The following ABCA9 variants were observed in gnomAD, a reference collection of about 807,000 sequenced individuals.
ABCA9 encodes ATP binding cassette subfamily A member 9, also known as ATP-binding cassette sub-family A member 9.
ABCA9 carries 183 observed loss-of-function variants against 205.3 expected under a neutral mutation model. The observed-to-expected ratio is 0.89, with a 90% CI of 0.79 to 1.01. The LOEUF is 1.01. ABCA9 is among the 50% of genes least tolerant of loss of function. The probability of loss-of-function intolerance (pLI) is 0.00; values close to 1 mark genes in which losing one functional copy is unlikely to be tolerated. For synonymous variants in ABCA9, 651 were observed against 683.3 expected (o/e 0.95, Z 0.74); for missense variants, 1,805 against 1,912.4 (o/e 0.94, Z 1.05).
intron 17 of ABCA9, among the ~76,000 whole-genome samples, chr17:69,022,668 CATAAA>C (rs1340358280): frequency 6.6e-6 from 1 of 152,052 alleles, no homozygotes; most frequent in Admixed American, 6.6e-5. Context: ...GCGCCCAGCC[CATAAA>C]TATGTAAAGT....
At chr17:69,021,980 A>G in intron 17 of ABCA9, 119 bp from the exon 18 acceptor site, 1 of 751,076 alleles carries the variant, frequency 1.3e-6, no homozygotes. Flanking sequence ...AAATTGTGAT[A>G]CAGATGATCT....
the ABCA9 span, among the ~76,000 whole-genome samples, chr17:69,073,744 A>T: frequency 4.8e-4 from 73 of 152,322 alleles, 1 homozygote; most frequent in Middle Eastern, 3.4e-3. Flanking sequence ...AGAAATAACT[A>T]AGATCAGAGT....
chr17:69,020,473 C>T lies in ABCA9; in HGVS notation c.2515G>A (p.Val839Met), dbSNP rs61740908. 2.0e-5 allele frequency: 32 copies of T among 1,613,944 alleles called. 1 individual carries two copies. Among genetic ancestry groups the T allele is most frequent in the South Asian group, 6.6e-5 (6 of 91,088 alleles). The change falls in exon 19 of 39, where the codon GTG becomes ATG. Residue 839 changes from valine (V) to methionine (M), a missense_variant. By Grantham distance (21) the Val-to-Met change is conservative. Transcript: ENST00000340001. ...FHETRKTISG[V>M]ALWRQQVCAI... ...CAGACCTGCTGCCTCCAGAGCGCCACGCCACTGATTGTTTTCCTTGTTTCG... is the reference window on the plus strand; with the variant it reads ...CAGACCTGCTGCCTCCAGAGCGCCATGCCACTGATTGTTTTCCTTGTTTCG...
At chr17:68,984,760 T>G in intron 34 of ABCA9, 125 bp downstream of exon 34, 2 of 1,274,048 alleles carry the variant, frequency 1.6e-6, no homozygotes, top group South Asian at 1.5e-5. Flanking sequence ...CAGATAATTT[T>G]TTTTCCTAAA....
At position 68,985,111 on chromosome 17, in the gene ABCA9, T is replaced by C; in HGVS notation, c.4226A>G (p.Lys1409Arg). 6.2e-7 allele frequency: 1 copy of C among 1,614,236 alleles called. No homozygotes were observed. Among genetic ancestry groups the C allele is most frequent in the Non-Finnish European group, 8.5e-7 (1 of 1,180,040 alleles). The change falls in exon 33 of 39, where the codon AAG (lysine) becomes AGG (arginine). Residue 1409 changes from lysine (K) to arginine (R), a missense_variant. By Grantham distance (26) the Lys-to-Arg change is conservative. Transcript: ENST00000340001. ...IAITRLVDAL[K>R]LQDQLKAPVK... is the part of the protein sequence containing the mutation. ...GGGAGCCTTCAGCTGGTCCTGCAGC[T>C]TGAGCGCATCCACTAACCTGAAGAA...
rs77837960 is a variant in ABCA9, at chr17:69,035,622, A to G, written c.942+38T>C. 1,285 of 1,605,490 alleles carry G rather than the reference A, an allele frequency of 8.0e-4. 10 individuals carry two copies. The African/African-American group carries it at 0.013, about 17-fold the overall frequency. ...AAATTATTGGCAGTAGAGAGAGAGAAAGAGAATAAAAGACTTAGATGAAAT... is the reference window on the plus strand; with the variant it reads ...AAATTATTGGCAGTAGAGAGAGAGAGAGAGAATAAAAGACTTAGATGAAAT... On this transcript the variant is annotated intron_variant, in intron 7 of 38. Transcript: ENST00000340001.
intron 25 of ABCA9, among the ~76,000 whole-genome samples, chr17:68,997,088 G>A (rs780476938): frequency 2.0e-5 from 3 of 152,074 alleles, no homozygotes; most frequent in African/African-American, 4.8e-5. Context: ...ATGCCATCAC[G>A]CCCAGCTAAT....
At chr17:69,000,927 CT>C (rs2069841663) in intron 25 of ABCA9, among the ~76,000 whole-genome samples, 2 of 134,188 alleles carry the variant, frequency 1.5e-5, no homozygotes, top group South Asian at 4.2e-4. Flanking sequence ...CTCTGTTTGT[CT>C]GTTGTTGTAT....
the ABCA9 span, among the ~76,000 whole-genome samples, chr17:69,072,446 AT>A: frequency 8.5e-5 from 13 of 152,232 alleles, no homozygotes; most frequent in African/African-American, 3.1e-4. Flanking sequence ...AATATTCAAC[AT>A]TCTTAAAGAA....
chr17:69,047,137 T>G (rs1032053638), intron 3 of ABCA9, among the ~76,000 whole-genome samples: 1 of 151,120 alleles, frequency 6.6e-6, no homozygotes, highest in Non-Finnish European at 1.5e-5. Context: ...AATTTTTGTA[T>G]TTTTAGTAGA....
Position 69,023,638 on chromosome 17 carries a change from C to G in ABCA9, c.2281+576G>C, listed in dbSNP as rs77982157. ...ACTTAAGAAGCATTCTACCTCAAAA[C>G]GCTTAGGAAGTGAAACAGTGCATTG... On this transcript the variant is annotated intron_variant, in intron 17 of 38. Coordinates refer to ENST00000340001, the MANE Select transcript of ABCA9 (RefSeq NM_080283.4). This position sits in a 1 kb window ranked among gnomAD's most constrained non-coding sequence, Gnocchi z 4.2. Among the ~76,000 whole-genome samples the G allele has an allele frequency of 6.6e-6, 1 of 152,144 alleles. No homozygotes were observed. The highest frequency in any genetic ancestry group is 2.4e-5 in the African/African-American group (1 of 41,432).
intron 25 of ABCA9, among the ~76,000 whole-genome samples, chr17:69,001,358 G>C (rs2069860123): frequency 6.6e-6 from 1 of 151,908 alleles, no homozygotes; most frequent in Non-Finnish European, 1.5e-5. Flanking sequence ...GGCCTTTTCT[G>C]CATCTATTGA....
chr17:69,000,404 T>G (rs1174958045), intron 25 of ABCA9, among the ~76,000 whole-genome samples: 1 of 152,070 alleles, frequency 6.6e-6, no homozygotes, highest in African/African-American at 2.4e-5. Context: ...CATTGCTTGT[T>G]TTTCTCATGT....
At chr17:69,040,562 G>A (rs2071498204) in intron 6 of ABCA9, among the ~76,000 whole-genome samples, 1 of 152,136 alleles carries the variant, frequency 6.6e-6, no homozygotes, top group African/African-American at 2.4e-5. Flanking sequence ...CAGGGAGTAG[G>A]GAGCAAGAGG....
chr17:69,034,009 T>A (rs778005670), intron 8 of ABCA9, 136 bp from the exon 9 acceptor site: 9 of 678,642 alleles, frequency 1.3e-5, no homozygotes, highest in Non-Finnish European at 1.9e-5. Context: ...CTGTCTACTA[T>A]TATAGAAGAC....
chr17:69,078,454 C>T, the ABCA9 span, among the ~76,000 whole-genome samples: 1,704 of 152,268 alleles, frequency 0.011, 13 homozygotes, highest in Non-Finnish European at 0.015. Flanking sequence ...GCCTCGGCCT[C>T]CCAAAGTGCT....
intron 21 of ABCA9, 97 bp from the exon 22 acceptor site, chr17:69,016,487 T>A: frequency 8.8e-7 from 1 of 1,135,482 alleles, no homozygotes; most frequent in Non-Finnish European, 1.2e-6. Context: ...ACTGATAATA[T>A]AATAAGTCCC....
In ABCA9 at chr17:69,013,109, C is replaced by T. The variant is rs528635339; in HGVS notation, c.3040-1026G>A. 2.6e-4 allele frequency among the ~76,000 whole-genome samples: 39 copies of T among 151,878 alleles called. No homozygotes were observed. The East Asian group carries it at 6.4e-3, about 25-fold the overall frequency. On this transcript the variant is annotated intron_variant, in intron 22 of 38. Coordinates refer to ENST00000340001, the MANE Select transcript of ABCA9 (RefSeq NM_080283.4). ...TGTATATGTACCTCATTTTCTTTAT[C>T]CATTCATCTGTTGATGGACACTTAG...
At chr17:69,038,269 G>C (rs1453093310) in intron 6 of ABCA9, among the ~76,000 whole-genome samples, 1 of 152,058 alleles carries the variant, frequency 6.6e-6, no homozygotes. Context: ...AATAAAAAAA[G>C]AAAATTTCAG....
Sources: gnomAD v4.1 joint callset for allele counts (sites outside exome capture counted in the v4.1 genomes callset) on GRCh38, gnomAD v4.1.1 for gene constraint, Gnocchi (gnomAD v3.1) non-coding constraint, MANE v1.5 for transcripts, NCBI Gene and HGNC (gene_info 2026-07-23, HGNC 2026-07-21) for gene names.